The following SMCO2 variants were observed in gnomAD, a reference collection of about 807,000 sequenced individuals.
SMCO2 encodes single-pass membrane protein with coiled-coil domains 2.
SMCO2 carries 25 observed loss-of-function variants against 29.5 expected under a neutral mutation model. That is an observed-to-expected ratio of 0.85 (90% CI 0.62 to 1.18). The LOEUF (loss-of-function observed/expected upper bound fraction) is 1.18, where lower values mean the gene tolerates loss of function less well. SMCO2 is among the 50% of genes most tolerant of loss of function. The pLI is 0.00. For synonymous variants in SMCO2, 117 were observed against 123.3 expected (o/e 0.95, Z 0.34); for missense variants, 348 against 344.5 (o/e 1.01, Z -0.08).
chr12:27,491,631 A>C (rs1425490838), intron 5 of SMCO2, among the ~76,000 whole-genome samples: 1 of 152,074 alleles, frequency 6.6e-6, no homozygotes, highest in African/African-American at 2.4e-5. Context: ...TCTAACTAGC[A>C]TGATGCCTAG....
the SMCO2 span, among the ~76,000 whole-genome samples, chr12:27,453,554 A>G: frequency 6.6e-6 from 1 of 152,234 alleles, no homozygotes; most frequent in African/African-American, 2.4e-5. Flanking sequence ...CTGAGGCCTC[A>G]CTAAAATGAA....
chr12:27,489,698 T>C (rs1949719455), intron 5 of SMCO2, among the ~76,000 whole-genome samples: 1 of 152,190 alleles, frequency 6.6e-6, no homozygotes, highest in African/African-American at 2.4e-5. Flanking sequence ...TTAACTGATA[T>C]AGTCCAACAT....
chr12:27,484,757 G>C (rs1332794981), intron 4 of SMCO2, among the ~76,000 whole-genome samples: 1 of 150,742 alleles, frequency 6.6e-6, no homozygotes, highest in Admixed American at 6.6e-5. Context: ...GGAGGCTGAG[G>C]CAGGAGAATT....
chr12:27,425,687 A>G, the SMCO2 span, among the ~76,000 whole-genome samples: 1 of 152,070 alleles, frequency 6.6e-6, no homozygotes, highest in African/African-American at 2.4e-5. Flanking sequence ...GAGCCTCTCT[A>G]TTTCCTAGTA....
the SMCO2 span, among the ~76,000 whole-genome samples, chr12:27,454,002 G>A: frequency 6.6e-6 from 1 of 151,810 alleles, no homozygotes; most frequent in Non-Finnish European, 1.5e-5. Context: ...TGTGGGGGAG[G>A]GGGACAGGGT....
chr12:27,426,059 C>T, the SMCO2 span, among the ~76,000 whole-genome samples: 35 of 152,252 alleles, frequency 2.3e-4, no homozygotes, highest in South Asian at 2.1e-3. Context: ...TGAAGTTTGG[C>T]GAGGCAGCCC....
At chr12:27,495,730 A>C in exon 7 of SMCO2, 1 of 1,535,226 alleles carries the variant, frequency 6.5e-7, no homozygotes, top group Non-Finnish European at 8.8e-7. Context: ...GGATGTATCA[A>C]ATGGAGGCAG....
intron 7 of SMCO2, chr12:27,498,205 T>A: frequency 3.0e-6 from 1 of 329,680 alleles, no homozygotes; most frequent in South Asian, 3.7e-5. Context: ...GAAATACAGC[T>A]GCTTACTTTT....
the SMCO2 span, among the ~76,000 whole-genome samples, chr12:27,430,745 C>A: frequency 6.6e-6 from 1 of 152,094 alleles, no homozygotes; most frequent in Admixed American, 6.5e-5. Context: ...TTAATGTAAG[C>A]CTCCTAAGAA....
chr12:27,499,512 T>TG (rs1282607147), intron 7 of SMCO2, among the ~76,000 whole-genome samples: 8 of 150,532 alleles, frequency 5.3e-5, no homozygotes, highest in Non-Finnish European at 1.2e-4. Context: ...TAGATAGTGG[T>TG]GATGGTTGTA....
the SMCO2 span, among the ~76,000 whole-genome samples, chr12:27,426,620 G>T: frequency 1.4e-4 from 21 of 152,100 alleles, 1 homozygote; most frequent in Admixed American, 4.6e-4. Flanking sequence ...AAGCTCTACA[G>T]TATGATAATA....
intron 1 of SMCO2, chr12:27,467,019 A>G (rs964839043): frequency 1.3e-5 from 2 of 152,194 alleles, no homozygotes; most frequent in Non-Finnish European, 2.9e-5. Flanking sequence ...TGACCTTGTC[A>G]GGAGCCTATA....
chr12:27,475,985 T>A (rs1015559970), intron 4 of SMCO2, among the ~76,000 whole-genome samples: 1 of 152,224 alleles, frequency 6.6e-6, no homozygotes, highest in African/African-American at 2.4e-5. Context: ...TTCTACTTTT[T>A]TGATGTGGGT....
At chr12:27,479,665 C>T (rs139203530) in intron 4 of SMCO2, among the ~76,000 whole-genome samples, 2 of 152,034 alleles carry the variant, frequency 1.3e-5, no homozygotes, top group Admixed American at 6.5e-5. Flanking sequence ...ATCATGGGAG[C>T]GGGTATTTCC....
At chr12:27,496,115 A>T (rs1942998792) in intron 7 of SMCO2, among the ~76,000 whole-genome samples, 1 of 150,238 alleles carries the variant, frequency 6.7e-6, no homozygotes, top group Non-Finnish European at 1.5e-5. Flanking sequence ...CTTTAGATAA[A>T]TATATCTAAA....
At chr12:27,442,635 TCTCACTTTGTCAGCCA>T in the SMCO2 span, among the ~76,000 whole-genome samples, 2 of 152,162 alleles carry the variant, frequency 1.3e-5, no homozygotes, top group Non-Finnish European at 2.9e-5. Context: ...TGAGATAGGG[TCTCACTTTGTCAGCCA>T]GTCACTTTGT....
chr12:27,432,089 G>A, the SMCO2 span, among the ~76,000 whole-genome samples: 12 of 152,148 alleles, frequency 7.9e-5, no homozygotes, highest in Admixed American at 4.6e-4. Context: ...TGTCCTCTGC[G>A]CATTTTTAAA....
At chr12:27,437,944 T>G in the SMCO2 span, among the ~76,000 whole-genome samples, 4 of 152,186 alleles carry the variant, frequency 2.6e-5, no homozygotes, top group African/African-American at 9.7e-5. Flanking sequence ...ACAAACACAA[T>G]CATCCTTAGG....
the SMCO2 span, among the ~76,000 whole-genome samples, chr12:27,439,381 G>C: frequency 6.6e-6 from 1 of 152,278 alleles, no homozygotes; most frequent in South Asian, 2.1e-4. Context: ...AGGTCACCTA[G>C]AATTGAAAAG....
Sources: gnomAD v4.1 joint callset for allele counts (sites outside exome capture counted in the v4.1 genomes callset) on GRCh38, gnomAD v4.1.1 for gene constraint, MANE v1.5 for transcripts, NCBI Gene and HGNC (gene_info 2026-07-23, HGNC 2026-07-21) for gene names.